The following MVB12B variants were observed in gnomAD, a reference collection of about 807,000 sequenced individuals.
The protein encoded by MVB12B is multivesicular body subunit 12B.
Under a neutral mutation model 41.6 loss-of-function variants are expected in MVB12B, and 16 were observed. That is an observed-to-expected ratio of 0.38 (90% CI 0.26 to 0.58). MVB12B has a LOEUF of 0.58. MVB12B is among the 20% of genes least tolerant of loss of function. MVB12B has a pLI of 0.62. For missense variants in MVB12B, 274 were observed against 380.2 expected (o/e 0.72, Z 2.32); for synonymous variants, 133 against 139.7 (o/e 0.95, Z 0.34).
At chr9:126,430,571 C>A (rs1832303769) in intron 7 of MVB12B, among the ~76,000 whole-genome samples, 2 of 144,730 alleles carry the variant, frequency 1.4e-5, no homozygotes. Flanking sequence ...AATGGAGGCT[C>A]CCCTCTTTTT....
chr9:126,336,742 TTGTG>T (rs1218966098), intron 1 of MVB12B, among the ~76,000 whole-genome samples: 4 of 107,042 alleles, frequency 3.7e-5, no homozygotes, highest in Admixed American at 2.1e-4. Flanking sequence ...ACATACATGT[TTGTG>T]TGTGCACGCA....
intron 7 of MVB12B, among the ~76,000 whole-genome samples, chr9:126,454,962 G>A (rs1050229678): frequency 2.6e-5 from 4 of 151,992 alleles, no homozygotes. Flanking sequence ...CTGTGGGTGC[G>A]CAGGGCAGCC....
At chr9:126,476,998 C>G (rs907813836) in intron 7 of MVB12B, among the ~76,000 whole-genome samples, 5 of 151,590 alleles carry the variant, frequency 3.3e-5, no homozygotes, top group African/African-American at 1.2e-4. Context: ...AAAGGAATAC[C>G]TGAGACTGGG....
chr9:126,355,135 T>G (rs1011264599), intron 2 of MVB12B, among the ~76,000 whole-genome samples: 1 of 152,220 alleles, frequency 6.6e-6, no homozygotes, highest in East Asian at 1.9e-4. Flanking sequence ...ATCCCACAGA[T>G]GAAACCCACG....
chr9:126,413,481 G>T (rs1189887549), intron 6 of MVB12B, among the ~76,000 whole-genome samples: 8 of 152,124 alleles, frequency 5.3e-5, no homozygotes, highest in African/African-American at 1.7e-4. Flanking sequence ...CACATTTCAG[G>T]TTCTTTCCTC....
intron 6 of MVB12B, among the ~76,000 whole-genome samples, chr9:126,405,830 A>G (rs1248624283): frequency 6.7e-6 from 1 of 149,366 alleles, no homozygotes; most frequent in South Asian, 2.1e-4. Flanking sequence ...TAATAATATT[A>G]ATAATTATTA....
At chr9:126,348,662 T>C (rs934025530) in intron 2 of MVB12B, among the ~76,000 whole-genome samples, 1 of 152,246 alleles carries the variant, frequency 6.6e-6, no homozygotes, top group Non-Finnish European at 1.5e-5. Context: ...AAAAGCCTTC[T>C]AATAATGAAA....
chr9:126,490,976 G>A (rs1833719189), intron 9 of MVB12B, among the ~76,000 whole-genome samples: 1 of 152,150 alleles, frequency 6.6e-6, no homozygotes, highest in Admixed American at 6.5e-5. Flanking sequence ...AGAGAAATCC[G>A]TCTTGATTAT....
At chr9:126,329,741 A>T (rs947604839) in intron 1 of MVB12B, among the ~76,000 whole-genome samples, 1 of 152,182 alleles carries the variant, frequency 6.6e-6, no homozygotes, top group East Asian at 1.9e-4. Context: ...TATTATGATG[A>T]TGAAGATAAC....
intron 7 of MVB12B, among the ~76,000 whole-genome samples, chr9:126,455,647 G>A (rs1021108308): frequency 3.9e-5 from 6 of 152,034 alleles, no homozygotes; most frequent in Admixed American, 3.9e-4. Context: ...ACCATGCCCA[G>A]CTGATTTTTT....
chr9:126,399,357 C>T (rs1343207193), intron 6 of MVB12B, among the ~76,000 whole-genome samples: 1 of 152,214 alleles, frequency 6.6e-6, no homozygotes, highest in Non-Finnish European at 1.5e-5. Flanking sequence ...TCATGCACGT[C>T]GATCAACAGG....
chr9:126,428,624 G>C (rs1244301318), intron 7 of MVB12B, among the ~76,000 whole-genome samples: 1 of 152,212 alleles, frequency 6.6e-6, no homozygotes, highest in African/African-American at 2.4e-5. Flanking sequence ...GAGAAGCGCT[G>C]TTCTCTCCTG....
intron 2 of MVB12B, among the ~76,000 whole-genome samples, chr9:126,375,363 C>CTT (rs35585049): frequency 0.25 from 26,345 of 105,060 alleles, 4,476 homozygotes; most frequent in Middle Eastern, 0.32. Context: ...TAAATTGATT[C>CTT]TTTTTTTTTT....
intron 6 of MVB12B, 125 bp from the exon 7 acceptor site, chr9:126,421,729 T>C: frequency 1.4e-6 from 1 of 721,934 alleles, no homozygotes; most frequent in Non-Finnish European, 2.5e-6. Flanking sequence ...AAGGAGGCGC[T>C]GGCCAGAAGC....
intron 6 of MVB12B, among the ~76,000 whole-genome samples, chr9:126,416,192 G>A (rs529805728): frequency 3.9e-5 from 6 of 152,308 alleles, no homozygotes; most frequent in Admixed American, 6.5e-5. Context: ...AAATAATGCC[G>A]GGGTGGCAAG....
intron 9 of MVB12B, among the ~76,000 whole-genome samples, chr9:126,495,228 G>A (rs1259839206): frequency 2.0e-5 from 3 of 151,160 alleles, no homozygotes; most frequent in Non-Finnish European, 4.4e-5. Context: ...AGAAAGAAGA[G>A]AAGGGAAATA....
chr9:126,355,420 G>A (rs1200209655), intron 2 of MVB12B, among the ~76,000 whole-genome samples: 5 of 152,228 alleles, frequency 3.3e-5, no homozygotes, highest in African/African-American at 1.2e-4. Flanking sequence ...AGGGCCAGGG[G>A]CATAAACAAT....
At chr9:126,408,070 T>C (rs995339389) in intron 6 of MVB12B, 3 of 152,212 alleles carry the variant, frequency 2.0e-5, no homozygotes, top group Non-Finnish European at 4.4e-5. Context: ...ACTAAAGTAC[T>C]AATAATTACT....
intron 2 of MVB12B, among the ~76,000 whole-genome samples, chr9:126,368,428 C>T (rs905831156): frequency 3.9e-5 from 6 of 152,192 alleles, no homozygotes; most frequent in Non-Finnish European, 5.9e-5. Flanking sequence ...GCTTTTTCTT[C>T]CTTCTCTGCT....
Sources: allele counts gnomAD v4.1 joint callset (sites outside exome capture counted in the v4.1 genomes callset), GRCh38; gene constraint gnomAD v4.1.1; transcripts MANE v1.5; gene names NCBI Gene and HGNC (gene_info 2026-07-23, HGNC 2026-07-21).